The following FKBP5 variants were observed in gnomAD, a reference collection of about 807,000 sequenced individuals.
FKBP5 encodes the protein peptidyl-prolyl cis-trans isomerase FKBP5.
A neutral mutation model predicts 50.5 loss-of-function variants in FKBP5; 23 were observed. That is an observed-to-expected ratio of 0.46 (90% CI 0.33 to 0.65). The LOEUF (loss-of-function observed/expected upper bound fraction) is 0.65. FKBP5 is among the 30% of genes least tolerant of loss of function. The pLI is 0.02. For missense variants in FKBP5, 411 were observed against 553.1 expected (o/e 0.74, Z 2.58); for synonymous variants, 176 against 190.6 (o/e 0.92, Z 0.63).
chr6:35,654,657 T>C (rs1039034952), intron 1 of FKBP5, among the ~76,000 whole-genome samples: 1 of 152,202 alleles, frequency 6.6e-6, no homozygotes, highest in African/African-American at 2.4e-5. Flanking sequence ...GGAGTCTTGA[T>C]CTTGTCGCCC....
At chr6:35,605,072 C>T (rs556701605) in intron 5 of FKBP5, among the ~76,000 whole-genome samples, 10 of 152,188 alleles carry the variant, frequency 6.6e-5, no homozygotes, top group Non-Finnish European at 1.2e-4. Context: ...CGTGAGCCAC[C>T]GTGCCCGGCC....
At chr6:35,635,780 C>T (rs1015681510) in intron 3 of FKBP5, among the ~76,000 whole-genome samples, 5 of 152,046 alleles carry the variant, frequency 3.3e-5, no homozygotes, top group Non-Finnish European at 7.4e-5. Context: ...ACTTGTAACA[C>T]GAGACAACCA....
intron 3 of FKBP5, among the ~76,000 whole-genome samples, chr6:35,623,384 T>C (rs1264816895): frequency 6.6e-6 from 1 of 152,222 alleles, no homozygotes; most frequent in Non-Finnish European, 1.5e-5. Context: ...TCTTAATGGG[T>C]GTATAATACT....
intron 6 of FKBP5, among the ~76,000 whole-genome samples, chr6:35,593,643 C>G (rs1468301168): frequency 1.3e-5 from 2 of 152,162 alleles, no homozygotes; most frequent in African/African-American, 4.8e-5. Context: ...CAACCTCCGC[C>G]TCCTGGGTTC....
chr6:35,602,463 C>G (rs1561852574), intron 5 of FKBP5, among the ~76,000 whole-genome samples: 1 of 152,020 alleles, frequency 6.6e-6, no homozygotes, highest in South Asian at 2.1e-4. Context: ...GACTGGTTAT[C>G]TGGCCAGAGA....
intron 7 of FKBP5, among the ~76,000 whole-genome samples, chr6:35,588,028 TATTA>T (rs1252761201): frequency 4.0e-5 from 6 of 149,624 alleles, no homozygotes; most frequent in African/African-American, 7.5e-5. Context: ...TTATTATTAT[TATTA>T]TTTTTTTTTT....
intron 3 of FKBP5, among the ~76,000 whole-genome samples, chr6:35,630,070 A>G (rs1036168439): frequency 6.6e-5 from 10 of 151,950 alleles, no homozygotes; most frequent in Admixed American, 5.9e-4. Flanking sequence ...TAGGAGTTCA[A>G]TGCTGTAGTG....
At chr6:35,586,861 CA>C (rs1762615969) in intron 8 of FKBP5, 172 bp downstream of exon 8, 8 of 1,431,822 alleles carry the variant, frequency 5.6e-6, no homozygotes, top group Middle Eastern at 2.5e-4. Context: ...TTTTTTTTTC[CA>C]CATGATTGTT....
chr6:35,633,914 A>G (rs1164938033), intron 3 of FKBP5, among the ~76,000 whole-genome samples: 2 of 152,176 alleles, frequency 1.3e-5, no homozygotes, highest in Non-Finnish European at 2.9e-5. Context: ...AGCTTTTTCC[A>G]TGAGACCGCA....
chr6:35,602,212 C>G lies in FKBP5; in HGVS notation c.509-4808G>C, dbSNP rs1763167897. ...GTAACAAAAATGAAATGCAAGAACCCCTAAACCATGCAATTTGTATTTTAG... is the reference window on the plus strand; with the variant it reads ...GTAACAAAAATGAAATGCAAGAACCGCTAAACCATGCAATTTGTATTTTAG... On this transcript the variant is annotated intron_variant, in intron 5 of 10. Coordinates refer to ENST00000357266, the MANE Select transcript of FKBP5 (RefSeq NM_004117.4). Among the ~76,000 whole-genome samples the G allele has an allele frequency of 2.0e-5, 3 of 152,182 alleles. No homozygotes were observed. The East Asian group carries it at 5.8e-4, about 29-fold the overall frequency.
At chr6:35,668,909 T>C (rs1765304342) in intron 1 of FKBP5, among the ~76,000 whole-genome samples, 1 of 152,156 alleles carries the variant, frequency 6.6e-6, no homozygotes, top group Non-Finnish European at 1.5e-5. Context: ...ACCAAGCATA[T>C]ACATTAGTCA....
chr6:35,651,388 C>T (rs906978695), intron 1 of FKBP5, among the ~76,000 whole-genome samples: 1 of 152,038 alleles, frequency 6.6e-6, no homozygotes, highest in Non-Finnish European at 1.5e-5. Flanking sequence ...CAATTTAATT[C>T]GAACATTTCA....
intron 1 of FKBP5, among the ~76,000 whole-genome samples, chr6:35,727,260 T>C (rs1414894928): frequency 6.6e-6 from 1 of 152,166 alleles, no homozygotes; most frequent in Non-Finnish European, 1.5e-5. Flanking sequence ...AATGCTTTGT[T>C]CCCTCCTTGG....
intron 4 of FKBP5, among the ~76,000 whole-genome samples, chr6:35,619,555 T>A (rs990143605): frequency 1.3e-4 from 20 of 152,312 alleles, no homozygotes; most frequent in African/African-American, 4.6e-4. Context: ...AACTTTCCCA[T>A]CCTGGGTTTA....
chr6:35,686,763 A>T (rs906006156), intron 1 of FKBP5, among the ~76,000 whole-genome samples: 11 of 152,220 alleles, frequency 7.2e-5, no homozygotes, highest in Non-Finnish European at 1.6e-4. Flanking sequence ...CAAAATATGC[A>T]TTATTTTCCA....
chr6:35,665,925 A>G (rs546831270), intron 1 of FKBP5, among the ~76,000 whole-genome samples: 65 of 152,212 alleles, frequency 4.3e-4, no homozygotes, highest in Non-Finnish European at 7.6e-4. Context: ...TAGGCATTCT[A>G]TTAGATGGTT....
At chr6:35,577,313 A>T in intron 9 of FKBP5, 80 bp from the exon 10 acceptor site, 1 of 1,304,870 alleles carries the variant, frequency 7.7e-7, no homozygotes, top group Admixed American at 2.4e-5. Context: ...TCTCTTGCCA[A>T]AGGAGATGGA....
At chr6:35,701,618 C>A (rs937769733) in intron 2 of FKBP5, among the ~76,000 whole-genome samples, 1 of 152,124 alleles carries the variant, frequency 6.6e-6, no homozygotes, top group Non-Finnish European at 1.5e-5. Context: ...CAGCTCACTG[C>A]AGCCTCAACC....
intron 9 of FKBP5, among the ~76,000 whole-genome samples, chr6:35,579,425 A>C (rs1212535687): frequency 6.6e-6 from 1 of 152,216 alleles, no homozygotes; most frequent in Non-Finnish European, 1.5e-5. Context: ...TACCTAAAAT[A>C]GTATCGGCTG....
Sources: allele counts gnomAD v4.1 joint callset (sites outside exome capture counted in the v4.1 genomes callset), GRCh38; gene constraint gnomAD v4.1.1; transcripts MANE v1.5; gene names NCBI Gene and HGNC (gene_info 2026-07-23, HGNC 2026-07-21).